Variants in PTPRZ1 observed in about 807,000 individuals in gnomAD.
The protein encoded by PTPRZ1 is protein tyrosine phosphatase receptor type Z1, also known as receptor-type tyrosine-protein phosphatase zeta.
Under a neutral mutation model 214.1 loss-of-function variants are expected in PTPRZ1, and 82 were observed. That is an observed-to-expected ratio of 0.38 (90% confidence interval 0.32 to 0.46). The LOEUF is 0.46. PTPRZ1 is among the 20% of genes least tolerant of loss of function. The probability of loss-of-function intolerance (pLI) is 1.00; values close to 1 mark genes in which losing one functional copy is unlikely to be tolerated. For synonymous variants in PTPRZ1, 945 were observed against 987.9 expected (o/e 0.96, Z 0.81); for missense variants, 2,603 against 2,748.7 (o/e 0.95, Z 1.19).
At chr7:122,030,138 CCT>C (rs1799329987) in intron 14 of PTPRZ1, among the ~76,000 whole-genome samples, 1 of 151,948 alleles carries the variant, frequency 6.6e-6, no homozygotes, top group Admixed American at 6.6e-5. Flanking sequence ...TCCAAACTCC[CCT>C]GTTTTGAGTG....
At chr7:122,007,534 A>G (rs2116644512) in intron 11 of PTPRZ1, among the ~76,000 whole-genome samples, 1 of 152,268 alleles carries the variant, frequency 6.6e-6, no homozygotes, top group East Asian at 1.9e-4. Context: ...GGATGAAAAC[A>G]CTTCTTAACC....
At chr7:122,045,184 G>A (rs1448029261) in intron 23 of PTPRZ1, among the ~76,000 whole-genome samples, 1 of 152,184 alleles carries the variant, frequency 6.6e-6, no homozygotes, top group Non-Finnish European at 1.5e-5. Context: ...CCTGCCAGCT[G>A]AGACCAAAGC....
Position 121,984,124 on chromosome 7 carries a change from A to G in PTPRZ1, c.928+7A>G. 1 of 1,607,546 alleles carries G rather than the reference A, an allele frequency of 6.2e-7. No homozygotes were observed. Among genetic ancestry groups the G allele is most frequent in the Non-Finnish European group, 8.5e-7 (1 of 1,176,268 alleles). On this transcript the variant is annotated splice_region_variant and intron_variant, in intron 8 of 29. Transcript: ENST00000393386. The stretch of plus-strand genomic sequence containing the variant: ...GAAGAGATTCATGAAGCAGGTATGT[A>G]TTTAAATATAATCTTCTACAACTCT...
rs143194010 is a variant in PTPRZ1, at chr7:122,011,729, G to A, written c.2683G>A (p.Glu895Lys). The change falls in exon 12 of 30, where the codon GAA (glutamate) becomes AAA (lysine). Residue 895 changes from glutamate (E) to lysine (K), a missense_variant. Around this residue, in one of 6 missense-constraint regions of PTPRZ1, gnomAD observed 1,913 missense variants for 1,914.3 expected, o/e 1.00. Coordinates refer to ENST00000393386, the MANE Select transcript of PTPRZ1 (RefSeq NM_002851.3). ...AASETLEFGS[E>K]SGVLYKTLMF... is the part of the protein sequence containing the mutation. The stretch of plus-strand genomic sequence containing the variant: ...TTCAGAGACGCTGGAATTTGGTAGT[G>A]AATCTGGTGTTCTTTATAAAACGCT... The A allele has an allele frequency of 3.1e-6, 5 of 1,614,162 alleles. No homozygotes were observed. Among genetic ancestry groups the A allele is most frequent in the Non-Finnish European group, 4.2e-6 (5 of 1,180,026 alleles).
intron 13 of PTPRZ1, 73 bp downstream of exon 13, chr7:122,019,341 C>CATA: frequency 7.1e-7 from 1 of 1,403,998 alleles, no homozygotes; most frequent in African/African-American, 1.5e-5. Flanking sequence ...TCTGAAAGGT[C>CATA]TTCAAAGCAT....
At position 121,976,715 on chromosome 7, in the gene PTPRZ1, C is replaced by T; in HGVS notation, c.553-70C>T. On this transcript the variant is annotated intron_variant, in intron 5 of 29. Coordinates refer to ENST00000393386, the MANE Select transcript of PTPRZ1 (RefSeq NM_002851.3). ...CATATTTAAAATGGAATTCATTAAT[C>T]TTCACATTTTTATTGAATAGTTATC... is the stretch of plus-strand genomic sequence containing the variant. 4.9e-6 allele frequency: 6 copies of T among 1,219,152 alleles called. No individual in the cohort carries two copies. The Admixed American group carries it at 1.4e-4, about 29-fold the overall frequency. The allele number at this position is 1,219,152 out of a possible 1,614,324, so 75.5% of individuals were successfully genotyped here. A position where few individuals can be genotyped will look rare whatever the true frequency, so the allele number is the denominator to read the frequency against.
chr7:121,957,030 C>T (rs1342228522), intron 2 of PTPRZ1, among the ~76,000 whole-genome samples: 2 of 152,200 alleles, frequency 1.3e-5, no homozygotes, highest in Non-Finnish European at 2.9e-5. Context: ...TGTACGGTCA[C>T]CAGTGCACAG....
chr7:121,955,059 G>A (rs1796663100), intron 2 of PTPRZ1, among the ~76,000 whole-genome samples: 1 of 152,204 alleles, frequency 6.6e-6, no homozygotes, highest in South Asian at 2.1e-4. Context: ...CAGTGCTGTG[G>A]TTTAGCAGAG....
chr7:121,939,146 C>T (rs963314350), intron 2 of PTPRZ1, among the ~76,000 whole-genome samples: 2 of 152,170 alleles, frequency 1.3e-5, no homozygotes, highest in Non-Finnish European at 2.9e-5. Context: ...AACATAATTT[C>T]AGGGGATCAT....
intron 2 of PTPRZ1, among the ~76,000 whole-genome samples, chr7:121,937,944 A>G (rs2116409646): frequency 6.6e-6 from 1 of 152,294 alleles, no homozygotes; most frequent in South Asian, 2.1e-4. Context: ...TCCCACAAGG[A>G]AAACACTTTT....
In PTPRZ1 at chr7:121,998,084, T is replaced by A. The variant is rs1798201957; in HGVS notation, c.1240+78T>A. On this transcript the variant is annotated intron_variant, in intron 10 of 29. Transcript: ENST00000393386. ...AATTACTGTATGCATTGATGCTTTCTCTCTATATTCTTTTGGCCAAAAGGC... is the reference window on the plus strand; with the variant it reads ...AATTACTGTATGCATTGATGCTTTCACTCTATATTCTTTTGGCCAAAAGGC... 2.8e-6 allele frequency: 4 copies of A among 1,446,134 alleles called. No homozygotes were observed. In the East Asian group the frequency reaches 1.0e-4, roughly 36 times the overall value. The allele number at this position is 1,446,134 out of a possible 1,614,324, so 89.6% of individuals were successfully genotyped here.
intron 23 of PTPRZ1, among the ~76,000 whole-genome samples, chr7:122,048,247 A>C (rs1792060414): frequency 6.6e-6 from 1 of 152,128 alleles, no homozygotes; most frequent in Non-Finnish European, 1.5e-5. Context: ...AAAATGATTA[A>C]ATAAAGATTT....
At chr7:121,961,502 T>G (rs191570068) in intron 2 of PTPRZ1, among the ~76,000 whole-genome samples, 1 of 152,346 alleles carries the variant, frequency 6.6e-6, no homozygotes, top group East Asian at 1.9e-4. Context: ...TCATTGCATC[T>G]ACTCCTTTTT....
At position 122,031,565 on chromosome 7, in the gene PTPRZ1, AT is replaced by A; in HGVS notation, c.5166+10del. The A allele has an allele frequency of 6.4e-7, 1 of 1,570,550 alleles. No individual in the cohort carries two copies. Among genetic ancestry groups the A allele is most frequent in the Non-Finnish European group, 8.7e-7 (1 of 1,144,748 alleles). On this transcript the variant is annotated splice_region_variant and intron_variant, in intron 15 of 29. Transcript: ENST00000393386. The stretch of plus-strand genomic sequence containing the variant: ...GGTTTACTGAAGAATTTGAGGTATG[AT>A]TTTAATATGTCTATTTTAAATAATA...
At chr7:121,896,060 G>A (rs1174916269) in intron 1 of PTPRZ1, among the ~76,000 whole-genome samples, 13 of 151,972 alleles carry the variant, frequency 8.6e-5, no homozygotes, top group Admixed American at 3.9e-4. Flanking sequence ...TCTGATCAAC[G>A]TAATTTATGC....
chr7:122,002,593 A>T (rs1195309143), intron 10 of PTPRZ1, among the ~76,000 whole-genome samples: 1 of 152,206 alleles, frequency 6.6e-6, no homozygotes, highest in Non-Finnish European at 1.5e-5. Flanking sequence ...ACACACTAAA[A>T]ATATTAAAGA....
intron 2 of PTPRZ1, among the ~76,000 whole-genome samples, chr7:121,933,344 G>A (rs1372721023): frequency 2.6e-5 from 4 of 151,968 alleles, no homozygotes; most frequent in Non-Finnish European, 4.4e-5. Flanking sequence ...GAAGTAGTAC[G>A]ACAGAAATAT....
At chr7:121,979,419 TCTC>T (rs1797537338) in intron 6 of PTPRZ1, among the ~76,000 whole-genome samples, 1 of 152,174 alleles carries the variant, frequency 6.6e-6, no homozygotes, top group Non-Finnish European at 1.5e-5. Flanking sequence ...TGATGGAAAT[TCTC>T]ATCAGACTGA....
At chr7:122,042,498 C>T (rs551086556) in intron 21 of PTPRZ1, 110 bp from the exon 22 acceptor site, 73 of 1,104,276 alleles carry the variant, frequency 6.6e-5, no homozygotes, top group South Asian at 9.4e-5. Context: ...GTGGCTCACT[C>T]GCTTGAAGAA....
Sources: allele counts gnomAD v4.1 joint callset (sites outside exome capture counted in the v4.1 genomes callset), GRCh38; gene constraint gnomAD v4.1.1; regional missense constraint gnomAD v4.1.1; transcripts MANE v1.5; gene names NCBI Gene and HGNC (gene_info 2026-07-23, HGNC 2026-07-21).